FBH1: variants seen among roughly 807,000 people sequenced by gnomAD.
The protein encoded by FBH1 is DNA 3'-5' helicase 1.
In FBH1, 43 loss-of-function variants were observed where a neutral mutation model predicts 115.5. The observed-to-expected ratio is 0.37, with a 90% CI of 0.29 to 0.48. FBH1 has a LOEUF of 0.48. Ranked by LOEUF, FBH1 falls within the 20% of genes least tolerant of loss-of-function variation. The pLI, the probability that FBH1 is intolerant of heterozygous loss-of-function variation, is 0.99. For missense variants in FBH1, 1,001 were observed against 1,337.3 expected (o/e 0.75, Z 3.92); for synonymous variants, 524 against 507.8 (o/e 1.03, Z -0.43).
chr10:5,906,651 C>T lies in FBH1; in HGVS notation c.753+19C>T, dbSNP rs566607540. On this transcript the variant is annotated intron_variant, in intron 3 of 20. Coordinates refer to ENST00000362091, the MANE Select transcript of FBH1 (RefSeq NM_178150.3). The surrounding 1 kb of genome is among the most constrained non-coding windows in gnomAD (Gnocchi z 7.3). ...CCCGCTGGTGAGTGAGTGCTGGAGT[C>T]GGGAGATGTTTCCTCTAAAAGCACG... 5.7e-5 allele frequency: 90 copies of T among 1,568,184 alleles called. No homozygotes were observed. Among genetic ancestry groups the T allele is most frequent in the Admixed American group, 6.9e-5 (4 of 57,678 alleles).
rs932568947 is a variant in FBH1, at chr10:5,891,640, C to T, written c.1+1294C>T. On this transcript the variant is annotated intron_variant, in intron 1 of 20. Transcript: ENST00000362091. ...ATATATATATTTTGAGACAGAGTCT[C>T]GCTCTGTTGCTCCGGGTGGAGTGCA... 5.3e-5 allele frequency among the ~76,000 whole-genome samples: 8 copies of T among 152,304 alleles called. No individual in the cohort carries two copies. In the East Asian group the frequency reaches 7.7e-4, roughly 15 times the overall value.
Position 5,918,166 on chromosome 10 carries a change from C to T in FBH1, c.1964-176C>T, listed in dbSNP as rs1832088494. 6.6e-6 allele frequency among the ~76,000 whole-genome samples: 1 copy of T among 152,218 alleles called. No homozygotes were observed. The highest frequency in any genetic ancestry group is 1.5e-5 in the Non-Finnish European group (1 of 68,034). Reference sequence around the variant, plus strand: ...GCATTCCTAGCACCAGAAACTGTTTCTTTTGTCCATTATAAAATGGCTGCT... The same window carrying T: ...GCATTCCTAGCACCAGAAACTGTTTTTTTTGTCCATTATAAAATGGCTGCT... On this transcript the variant is annotated intron_variant, in intron 12 of 20. Coordinates refer to ENST00000362091, the MANE Select transcript of FBH1 (RefSeq NM_178150.3). The surrounding 1 kb of genome is among the most constrained non-coding windows in gnomAD (Gnocchi z 4.0).
intron 18 of FBH1, among the ~76,000 whole-genome samples, chr10:5,926,281 T>A (rs1832648775): frequency 6.6e-6 from 1 of 152,080 alleles, no homozygotes; most frequent in Non-Finnish European, 1.5e-5. Flanking sequence ...GCCCAGCTAA[T>A]TTTTGTATTT....
rs1183452651 is a variant in FBH1 at position 5,918,986 on chromosome 10, G to T, written c.2100+508G>T. Among the ~76,000 whole-genome samples, 15 of 152,200 alleles carry T rather than the reference G, an allele frequency of 9.9e-5. No individual in the cohort carries two copies. On this transcript the variant is annotated intron_variant, in intron 13 of 20. Transcript: ENST00000362091. This position sits in a 1 kb window ranked among gnomAD's most constrained non-coding sequence, Gnocchi z 4.0. ...CCTTCCTTTCCAATCACATGTCTGTGTGAGGTTGAATTTTCTTCATGTGTG... is the reference window on the plus strand; with the variant it reads ...CCTTCCTTTCCAATCACATGTCTGTTTGAGGTTGAATTTTCTTCATGTGTG...
At position 5,936,644 on chromosome 10, in the gene FBH1, T is replaced by C; in HGVS notation, c.2961+57T>C. On this transcript the variant is annotated intron_variant, in intron 20 of 20. Coordinates refer to ENST00000362091, the MANE Select transcript of FBH1 (RefSeq NM_178150.3). This position sits in a 1 kb window ranked among gnomAD's most constrained non-coding sequence, Gnocchi z 5.6. ...CCATTTGCATTTTTTGCTTGTGAGC[T>C]CTGTGCTTATCTGGGTTGTAGGTGA... 6.3e-7 allele frequency: 1 copy of C among 1,597,800 alleles called. No homozygotes were observed. The highest frequency in any genetic ancestry group is 1.3e-5 in the African/African-American group (1 of 74,744).
chr10:5,918,090 CTG>C lies in FBH1; in HGVS notation c.1964-248_1964-247del, dbSNP rs1832084335. ...AGACACTGCCTCATTTTAGATTTGC[CTG>C]TGTTGTTTTCTTATATTCCAACAAT... On this transcript the variant is annotated intron_variant, in intron 12 of 20. Coordinates refer to ENST00000362091, the MANE Select transcript of FBH1 (RefSeq NM_178150.3). This position sits in a 1 kb window ranked among gnomAD's most constrained non-coding sequence, Gnocchi z 4.0. 6.6e-6 allele frequency among the ~76,000 whole-genome samples: 1 copy of C among 152,190 alleles called. No individual in the cohort carries two copies. Among genetic ancestry groups the C allele is most frequent in the East Asian group, 1.9e-4 (1 of 5,200 alleles).
At chr10:5,920,609 G>A (rs1462666014) in intron 13 of FBH1, among the ~76,000 whole-genome samples, 4 of 152,204 alleles carry the variant, frequency 2.6e-5, no homozygotes, top group Non-Finnish European at 4.4e-5. Context: ...TTCACTCAGA[G>A]TAGTTTTATA....
In FBH1 at chr10:5,936,329, C is replaced by T. The variant is rs759634151; in HGVS notation, c.2830-127C>T. On this transcript the variant is annotated intron_variant, in intron 19 of 20. Transcript: ENST00000362091. The surrounding 1 kb of genome is among the most constrained non-coding windows in gnomAD (Gnocchi z 5.6). The stretch of plus-strand genomic sequence containing the variant: ...AGGAAGTAAGGGAGAACGGGTTAGG[C>T]GGGGTTTTTCTCTCTGGGACTTACA... 2.4e-4 allele frequency: 257 copies of T among 1,057,088 alleles called. No individual in the cohort carries two copies. Among genetic ancestry groups the T allele is most frequent in the African/African-American group, 6.9e-4 (44 of 63,522 alleles). 65.5% of individuals were successfully genotyped at this position (1,057,088 alleles called of 1,614,324 possible). A position where few individuals can be genotyped will look rare whatever the true frequency, so the allele number is the denominator to read the frequency against.
chr10:5,923,636 G>A lies in FBH1; in HGVS notation c.2338G>A (p.Gly780Arg), dbSNP rs760026134. Residue 780 changes from glycine to arginine, a missense_variant, in exon 16 of 21, where the codon GGA (glycine) becomes AGA (arginine). Transcript: ENST00000362091. The surrounding 1 kb of genome is among the most constrained non-coding windows in gnomAD (Gnocchi z 5.7). ...IHLIGGIKSF[G>R]LDRIIDIWIL... ...ACTTTTTCAGGGGATTAAATCATTT[G>A]GATTGGACAGAATCATTGATATTTG... is the stretch of plus-strand genomic sequence containing the variant. 6.2e-7 allele frequency: 1 copy of A among 1,613,820 alleles called. No homozygotes were observed. Among genetic ancestry groups the A allele is most frequent in the Non-Finnish European group, 8.5e-7 (1 of 1,179,914 alleles).
In FBH1 at chr10:5,907,251, C is replaced by T. The variant is rs117912288; in HGVS notation, c.753+619C>T. Among the ~76,000 whole-genome samples, 3 of 152,300 alleles carry T rather than the reference C, an allele frequency of 2.0e-5. No individual in the cohort carries two copies. The East Asian group carries it at 5.8e-4, about 29-fold the overall frequency. On this transcript the variant is annotated intron_variant, in intron 3 of 20. Transcript: ENST00000362091. ...AAGTGCTGGGGTTACAGGCGTGAGC[C>T]ACCATGTCTGGCCCATTTTTTGTTT...
At position 5,937,527 on chromosome 10, in the gene FBH1, A is replaced by G; in HGVS notation, c.*247A>G. On this transcript the variant is annotated 3_prime_UTR_variant, in exon 21 of 21. Coordinates refer to ENST00000362091, the MANE Select transcript of FBH1 (RefSeq NM_178150.3). ...GGGATGTTCTTTTGATAAAAAAAAA[A>G]AAAAAAATTTATGTATTTAAACTTT... The G allele has an allele frequency of 3.1e-6, 1 of 319,156 alleles. No homozygotes were observed. The allele number at this position is 319,156 out of a possible 1,614,324, so 19.8% of individuals were successfully genotyped here. A position where few individuals can be genotyped will look rare whatever the true frequency, so the allele number is the denominator to read the frequency against.
chr10:5,898,757 T>G (rs1165566347), intron 1 of FBH1, among the ~76,000 whole-genome samples: 1 of 152,116 alleles, frequency 6.6e-6, no homozygotes, highest in Non-Finnish European at 1.5e-5. Context: ...AGGATTTCAG[T>G]GTGTGAATTT....
At chr10:5,899,201 G>A (rs976670704) in intron 1 of FBH1, among the ~76,000 whole-genome samples, 3 of 152,162 alleles carry the variant, frequency 2.0e-5, no homozygotes, top group African/African-American at 7.2e-5. Context: ...AGAAGCCTTC[G>A]GTACCTGACA....
At chr10:5,899,553 A>T (rs1320058501) in intron 1 of FBH1, among the ~76,000 whole-genome samples, 2 of 152,104 alleles carry the variant, frequency 1.3e-5, no homozygotes, top group Admixed American at 6.5e-5. Context: ...GCTCTGAAGC[A>T]ATTGGGACTG....
At chr10:5,912,313 G>A (rs1265856446) in intron 6 of FBH1, among the ~76,000 whole-genome samples, 2 of 151,236 alleles carry the variant, frequency 1.3e-5, no homozygotes, top group African/African-American at 4.9e-5. Context: ...GCAGTGAGCC[G>A]AGATATGCCA....
chr10:5,890,089 A>G (rs913630908), upstream of FBH1: 2 of 311,906 alleles, frequency 6.4e-6, no homozygotes, highest in African/African-American at 4.4e-5. Context: ...GCGCATTTCG[A>G]TTGGCGTTAG....
rs12243922 is a variant in FBH1 at position 5,917,929 on chromosome 10, C to T, written c.1963+253C>T. 0.083 allele frequency among the ~76,000 whole-genome samples: 12,590 copies of T among 152,212 alleles called. 1,677 individuals are homozygous for T. The highest frequency in any genetic ancestry group is 0.28 in the African/African-American group (11,805 of 41,476). ...GACCAGCAGACGACAGGGACCTAGA[C>T]TCATGCTCTGTGGGAAGAGATCGTC... On this transcript the variant is annotated intron_variant, in intron 12 of 20. Transcript: ENST00000362091. The surrounding 1 kb of genome is among the most constrained non-coding windows in gnomAD (Gnocchi z 5.6).
chr10:5,907,940 C>T (rs151170449), intron 3 of FBH1, among the ~76,000 whole-genome samples: 285 of 152,242 alleles, frequency 1.9e-3, no homozygotes, highest in Admixed American at 3.0e-3. Context: ...GTGATCTATC[C>T]TGGAGAATGT....
At chr10:5,898,794 C>T (rs1246535115) in intron 1 of FBH1, among the ~76,000 whole-genome samples, 1 of 152,166 alleles carries the variant, frequency 6.6e-6, no homozygotes, top group East Asian at 1.9e-4. Context: ...GAGTACATGG[C>T]ACAGACTATA....
Sources: allele counts gnomAD v4.1 joint callset (sites outside exome capture counted in the v4.1 genomes callset), GRCh38; gene constraint gnomAD v4.1.1; non-coding constraint Gnocchi (gnomAD v3.1); transcripts MANE v1.5; gene names NCBI Gene and HGNC (gene_info 2026-07-23, HGNC 2026-07-21).